The following SHROOM3 variants were observed in gnomAD, a reference collection of about 807,000 sequenced individuals.
SHROOM3 encodes the protein protein Shroom3.
SHROOM3 carries 47 observed loss-of-function variants against 138.6 expected under a neutral mutation model. The ratio of observed to expected loss-of-function variants is 0.34; its 90% CI spans 0.27 to 0.43. The LOEUF is 0.43. Among genes scored for constraint, SHROOM3 ranks in the 20% least tolerant of loss-of-function variants. The probability of loss-of-function intolerance (pLI) is 1.00; values close to 1 mark genes in which losing one functional copy is unlikely to be tolerated. For synonymous variants in SHROOM3, 1,062 were observed against 1,063.3 expected (o/e 1.00, Z 0.02); for missense variants, 2,491 against 2,596.5 (o/e 0.96, Z 0.88).
intron 2 of SHROOM3, among the ~76,000 whole-genome samples, chr4:76,628,045 C>G (rs1383652087): frequency 6.6e-6 from 1 of 152,140 alleles, no homozygotes; most frequent in East Asian, 1.9e-4. Context: ...AAAATAGACA[C>G]CTACTTTATG....
intron 2 of SHROOM3, among the ~76,000 whole-genome samples, chr4:76,618,994 C>A (rs935674173): frequency 2.0e-5 from 3 of 152,092 alleles, no homozygotes; most frequent in Admixed American, 6.6e-5. Context: ...ATAATAGGCA[C>A]CTGCCACCAT....
chr4:76,520,789 G>A (rs958996347), intron 1 of SHROOM3, among the ~76,000 whole-genome samples: 9 of 152,176 alleles, frequency 5.9e-5, no homozygotes, highest in Admixed American at 1.3e-4. Flanking sequence ...AAACATTGAC[G>A]CAAAGAGGAG....
At chr4:76,663,061 G>A (rs949711367) in intron 2 of SHROOM3, among the ~76,000 whole-genome samples, 4 of 152,156 alleles carry the variant, frequency 2.6e-5, no homozygotes, top group African/African-American at 7.2e-5. Flanking sequence ...TCTAGACAGA[G>A]TCTGATCCTA....
intron 1 of SHROOM3, among the ~76,000 whole-genome samples, chr4:76,533,082 A>G (rs530028844): frequency 3.7e-4 from 57 of 152,304 alleles, no homozygotes; most frequent in African/African-American, 1.2e-3. Context: ...AACAGTGCAG[A>G]ATTTAAAACT....
chr4:76,657,168 A>ACT (rs369556375), intron 2 of SHROOM3, among the ~76,000 whole-genome samples: 3,256 of 143,554 alleles, frequency 0.023, 109 homozygotes, highest in African/African-American at 0.071. Context: ...CAAGAGCGAA[A>ACT]CTCTCTCTCT....
At chr4:76,703,024 T>A (rs1393648167) in intron 2 of SHROOM3, among the ~76,000 whole-genome samples, 1 of 152,136 alleles carries the variant, frequency 6.6e-6, no homozygotes, top group Non-Finnish European at 1.5e-5. Context: ...ATTGTACACC[T>A]GGATTTGTTT....
chr4:76,471,933 C>T (rs1432392324), intron 1 of SHROOM3, among the ~76,000 whole-genome samples: 1 of 152,136 alleles, frequency 6.6e-6, no homozygotes, highest in African/African-American at 2.4e-5. Context: ...GGTTTTACAT[C>T]CTGTCTCTGC....
chr4:76,723,887 T>C (rs1720623398), intron 3 of SHROOM3, among the ~76,000 whole-genome samples: 1 of 152,236 alleles, frequency 6.6e-6, no homozygotes, highest in African/African-American at 2.4e-5. Context: ...TGCTCTGACT[T>C]TGTTTAATAG....
intron 1 of SHROOM3, among the ~76,000 whole-genome samples, chr4:76,503,354 G>C (rs967499088): frequency 1.3e-5 from 2 of 151,996 alleles, no homozygotes; most frequent in African/African-American, 4.8e-5. Flanking sequence ...TATTTCATTA[G>C]ATTTATTCCT....
chr4:76,614,214 C>T (rs868084733), intron 2 of SHROOM3, among the ~76,000 whole-genome samples: 4 of 152,200 alleles, frequency 2.6e-5, no homozygotes, highest in Middle Eastern at 3.4e-3. Context: ...GCCACCATGC[C>T]CGGCTAATTT....
chr4:76,757,913 A>G (rs1215567977), intron 8 of SHROOM3: 1 of 152,226 alleles, frequency 6.6e-6, no homozygotes, highest in Non-Finnish European at 1.5e-5. Flanking sequence ...TCCAGACTAA[A>G]TAAAAACAGA....
At chr4:76,509,301 C>T (rs4859685) in intron 1 of SHROOM3, 45,045 of 151,814 alleles carry the variant, frequency 0.3, 7,544 homozygotes, top group African/African-American at 0.44. Flanking sequence ...TGACAGGATC[C>T]GGTTAGTTTT....
Position 76,739,650 on chromosome 4 carries a change from C to A in SHROOM3, c.1477C>A (p.Pro493Thr), listed in dbSNP as rs772227149. The A allele has an allele frequency of 7.4e-6, 12 of 1,614,030 alleles. No homozygotes were observed. The highest frequency in any genetic ancestry group is 1.0e-5 in the Non-Finnish European group (12 of 1,180,042). The change falls in exon 5 of 11, where the codon CCT becomes ACT. Residue 493 changes from proline to threonine, a missense_variant. Physicochemically the swap from Pro to Thr is conservative, Grantham distance 38. Transcript: ENST00000296043. ...PSVSSNGMLY[P>T]ALAKESGYIA... Reference sequence around the variant, plus strand: ...TGTGAGTAGCAACGGTATGCTCTACCCTGCACTGGCCAAGGAGAGTGGATA... The same window carrying A: ...TGTGAGTAGCAACGGTATGCTCTACACTGCACTGGCCAAGGAGAGTGGATA...
intron 2 of SHROOM3, among the ~76,000 whole-genome samples, chr4:76,565,675 C>A (rs886126964): frequency 6.6e-6 from 1 of 152,166 alleles, no homozygotes; most frequent in Non-Finnish European, 1.5e-5. Flanking sequence ...TAGACAGAGT[C>A]TCGCTTTGTT....
chr4:76,535,490 A>T (rs1732931918), intron 1 of SHROOM3, among the ~76,000 whole-genome samples: 1 of 152,236 alleles, frequency 6.6e-6, no homozygotes. Context: ...AACAATCCCA[A>T]CTGGAAGTTA....
intron 5 of SHROOM3, among the ~76,000 whole-genome samples, chr4:76,746,393 A>C (rs950000314): frequency 1.1e-4 from 17 of 152,312 alleles, no homozygotes; most frequent in African/African-American, 4.1e-4. Flanking sequence ...AAAAATACAT[A>C]CCATTGTATT....
intron 1 of SHROOM3, among the ~76,000 whole-genome samples, chr4:76,554,908 T>G (rs1218381139): frequency 6.6e-6 from 1 of 151,922 alleles, no homozygotes; most frequent in Non-Finnish European, 1.5e-5. Context: ...GTGGCAGCAT[T>G]AGATTCTCAC....
intron 2 of SHROOM3, among the ~76,000 whole-genome samples, chr4:76,658,174 G>A (rs914462669): frequency 2.6e-5 from 4 of 152,232 alleles, no homozygotes; most frequent in African/African-American, 4.8e-5. Context: ...AGCATCCACC[G>A]ACTGTGAGGA....
chr4:76,487,128 T>C (rs925689716), intron 1 of SHROOM3, among the ~76,000 whole-genome samples: 1 of 152,190 alleles, frequency 6.6e-6, no homozygotes, highest in Non-Finnish European at 1.5e-5. Flanking sequence ...CAACCACTTA[T>C]CTACTTTCTG....
Sources: allele counts gnomAD v4.1 joint callset (sites outside exome capture counted in the v4.1 genomes callset), GRCh38; gene constraint gnomAD v4.1.1; transcripts MANE v1.5; gene names NCBI Gene and HGNC (gene_info 2026-07-23, HGNC 2026-07-21).